Variants in GPC6 observed in about 807,000 individuals in gnomAD.
GPC6 encodes the protein glypican-6.
In GPC6, 14 loss-of-function variants were observed where a neutral mutation model predicts 55.2. That is an observed-to-expected ratio of 0.25 (90% confidence interval 0.17 to 0.40). The LOEUF (loss-of-function observed/expected upper bound fraction) is 0.40. Ranked by LOEUF, GPC6 falls within the 10% of genes least tolerant of loss-of-function variation. GPC6 has a pLI of 1.00. For synonymous variants in GPC6, 278 were observed against 259.6 expected (o/e 1.07, Z -0.68); for missense variants, 641 against 708.5 (o/e 0.90, Z 1.08).
intron 4 of GPC6, among the ~76,000 whole-genome samples, chr13:94,196,814 A>G (rs142775347): frequency 6.6e-6 from 1 of 152,308 alleles, no homozygotes; most frequent in African/African-American, 2.4e-5. Context: ...AGGAACTTCA[A>G]TTTCATGTTT....
intron 2 of GPC6, among the ~76,000 whole-genome samples, chr13:93,622,355 A>G (rs918837562): frequency 6.6e-6 from 1 of 152,178 alleles, no homozygotes; most frequent in African/African-American, 2.4e-5. Flanking sequence ...AAGCTTATGG[A>G]TGAGTAGTAT....
chr13:93,709,025 C>T (rs1353565363), intron 2 of GPC6, among the ~76,000 whole-genome samples: 6 of 151,746 alleles, frequency 4.0e-5, no homozygotes, highest in Non-Finnish European at 8.8e-5. Context: ...GGATATCATG[C>T]CCATTATTTC....
At chr13:94,317,529 G>A (rs1876601686) in intron 6 of GPC6, among the ~76,000 whole-genome samples, 1 of 152,154 alleles carries the variant, frequency 6.6e-6, no homozygotes, top group Admixed American at 6.5e-5. Flanking sequence ...AGACATGTCT[G>A]CACAAAAATG....
chr13:93,270,977 C>T (rs1877503352), intron 1 of GPC6, among the ~76,000 whole-genome samples: 1 of 152,180 alleles, frequency 6.6e-6, no homozygotes, highest in African/African-American at 2.4e-5. Flanking sequence ...TAGACTTGCA[C>T]CCGTAGTTAA....
intron 2 of GPC6, among the ~76,000 whole-genome samples, chr13:93,707,358 T>C (rs1466171259): frequency 1.3e-5 from 2 of 151,724 alleles, no homozygotes; most frequent in Non-Finnish European, 2.9e-5. Flanking sequence ...CATTTGTACT[T>C]CTGAAGTTAA....
chr13:93,937,560 A>G (rs1878498532), intron 3 of GPC6, among the ~76,000 whole-genome samples: 1 of 152,136 alleles, frequency 6.6e-6, no homozygotes, highest in Non-Finnish European at 1.5e-5. Flanking sequence ...CAATCTTTGT[A>G]TAATATAATA....
intron 4 of GPC6, among the ~76,000 whole-genome samples, chr13:94,097,978 A>C (rs1885726334): frequency 6.6e-6 from 1 of 152,190 alleles, no homozygotes. Flanking sequence ...TCATTCAAAA[A>C]ACACTGCTAA....
At chr13:93,739,765 C>T (rs575291215) in intron 2 of GPC6, among the ~76,000 whole-genome samples, 7 of 152,200 alleles carry the variant, frequency 4.6e-5, no homozygotes, top group African/African-American at 1.7e-4. Flanking sequence ...TATGTCAGGC[C>T]CTTTTCTAGG....
intron 1 of GPC6, among the ~76,000 whole-genome samples, chr13:93,507,049 G>A (rs183365002): frequency 1.7e-5 from 2 of 115,136 alleles, no homozygotes; most frequent in Admixed American, 1.2e-4. Context: ...GCGACAGAGC[G>A]AGACTCCGTC....
intron 6 of GPC6, among the ~76,000 whole-genome samples, chr13:94,370,880 CTTTT>C (rs751492946): frequency 6.6e-6 from 1 of 152,036 alleles, no homozygotes; most frequent in Non-Finnish European, 1.5e-5. Flanking sequence ...AAAAGATATT[CTTTT>C]TTATTTCTAT....
At chr13:93,316,776 G>C (rs541570486) in intron 1 of GPC6, among the ~76,000 whole-genome samples, 51 of 152,032 alleles carry the variant, frequency 3.4e-4, no homozygotes, top group African/African-American at 1.0e-3. Context: ...CTTTTCTCCA[G>C]ACTCAACAAA....
intron 4 of GPC6, among the ~76,000 whole-genome samples, chr13:94,048,548 T>A (rs1228712469): frequency 6.6e-6 from 1 of 152,036 alleles, no homozygotes; most frequent in Non-Finnish European, 1.5e-5. Flanking sequence ...ATTCATTAAT[T>A]TATTGAAGCT....
intron 4 of GPC6, among the ~76,000 whole-genome samples, chr13:94,095,897 T>A (rs1349341207): frequency 6.6e-6 from 1 of 152,152 alleles, no homozygotes; most frequent in East Asian, 1.9e-4. Flanking sequence ...TTATATACAC[T>A]ATTTTACTCT....
At chr13:94,084,969 G>A (rs2138802551) in intron 4 of GPC6, among the ~76,000 whole-genome samples, 1 of 152,218 alleles carries the variant, frequency 6.6e-6, no homozygotes, top group East Asian at 1.9e-4. Context: ...AAATTGGAAA[G>A]AGATAACTAT....
At chr13:93,901,488 T>C (rs969073925) in intron 3 of GPC6, among the ~76,000 whole-genome samples, 1 of 152,188 alleles carries the variant, frequency 6.6e-6, no homozygotes, top group Non-Finnish European at 1.5e-5. Context: ...AAAATATTTT[T>C]CAGTATTTTT....
chr13:93,929,122 A>G (rs1878019763), intron 3 of GPC6, among the ~76,000 whole-genome samples: 1 of 152,118 alleles, frequency 6.6e-6, no homozygotes, highest in Admixed American at 6.6e-5. Context: ...ACTGTCTACA[A>G]GGGTTTTGCT....
intron 6 of GPC6, among the ~76,000 whole-genome samples, chr13:94,330,313 C>T (rs760997607): frequency 2.0e-5 from 3 of 152,136 alleles, no homozygotes; most frequent in Non-Finnish European, 2.9e-5. Context: ...TGACCTTGGG[C>T]GAGTCAGTTA....
At chr13:94,256,500 T>G (rs2139044325) in intron 4 of GPC6, among the ~76,000 whole-genome samples, 1 of 152,298 alleles carries the variant, frequency 6.6e-6, no homozygotes, top group African/African-American at 2.4e-5. Context: ...AGCACTGTAC[T>G]TTTGTCAGTG....
intron 3 of GPC6, among the ~76,000 whole-genome samples, chr13:93,987,460 T>C (rs1204417003): frequency 1.3e-5 from 2 of 152,244 alleles, no homozygotes; most frequent in Non-Finnish European, 2.9e-5. Context: ...TAAATGTTAT[T>C]TAACACATCC....
Sources: gnomAD v4.1 joint callset for allele counts (sites outside exome capture counted in the v4.1 genomes callset) on GRCh38, gnomAD v4.1.1 for gene constraint, MANE v1.5 for transcripts, NCBI Gene and HGNC (gene_info 2026-07-23, HGNC 2026-07-21) for gene names.